Variants in EPB41L4B observed in about 807,000 individuals in gnomAD.
The protein encoded by EPB41L4B is band 4.1-like protein 4B.
EPB41L4B carries 30 observed loss-of-function variants against 112.5 expected under a neutral mutation model. The observed-to-expected ratio is 0.27, with a 90% CI of 0.20 to 0.36. The LOEUF (loss-of-function observed/expected upper bound fraction) is 0.36. Ranked by LOEUF, EPB41L4B falls within the 10% of genes least tolerant of loss-of-function variation. EPB41L4B has a pLI of 1.00. For missense variants in EPB41L4B, 1,024 were observed against 1,133.3 expected (o/e 0.90, Z 1.38); for synonymous variants, 408 against 439.7 (o/e 0.93, Z 0.90).
chr9:109,192,414 A>G, intron 21 of EPB41L4B, 59 bp from the exon 22 acceptor site: 1 of 1,350,124 alleles, frequency 7.4e-7, no homozygotes, highest in Non-Finnish European at 1.0e-6. Flanking sequence ...GATAAAGTTC[A>G]CCAGAAAAGA....
chr9:109,313,113 C>T (rs1837479417), intron 1 of EPB41L4B, among the ~76,000 whole-genome samples: 1 of 152,122 alleles, frequency 6.6e-6, no homozygotes, highest in African/African-American at 2.4e-5. Context: ...CAACTCCAGC[C>T]CACACTTCAG....
At chr9:109,210,085 C>CAAA (rs112355718) in intron 17 of EPB41L4B, among the ~76,000 whole-genome samples, 30 of 145,752 alleles carry the variant, frequency 2.1e-4, no homozygotes, top group African/African-American at 4.0e-4. Flanking sequence ...TATATATAAC[C>CAAA]AAAAAAAAAA....
intron 11 of EPB41L4B, among the ~76,000 whole-genome samples, chr9:109,255,273 T>C (rs975891671): frequency 2.6e-5 from 4 of 152,246 alleles, no homozygotes; most frequent in African/African-American, 7.2e-5. Context: ...GCCTACTGTA[T>C]TGAACAGCAC....
intron 19 of EPB41L4B, 37 bp downstream of exon 19, chr9:109,203,623 AGAG>A (rs1832904866): frequency 6.8e-7 from 1 of 1,465,648 alleles, no homozygotes; most frequent in Admixed American, 1.7e-5. Flanking sequence ...TTGATGATAC[AGAG>A]AATATCATTT....
intron 6 of EPB41L4B, among the ~76,000 whole-genome samples, chr9:109,260,668 G>A (rs1402221682): frequency 6.6e-6 from 1 of 152,172 alleles, no homozygotes; most frequent in Non-Finnish European, 1.5e-5. Flanking sequence ...ACCCGCCTCG[G>A]CCTCCCGAAG....
chr9:109,221,354 T>C (rs1833567132), intron 15 of EPB41L4B, among the ~76,000 whole-genome samples: 1 of 152,178 alleles, frequency 6.6e-6, no homozygotes, highest in African/African-American at 2.4e-5. Context: ...CTTGCAAATA[T>C]GTTGAAAATA....
intron 22 of EPB41L4B, among the ~76,000 whole-genome samples, chr9:109,189,379 A>T (rs1832380521): frequency 6.6e-6 from 1 of 152,120 alleles, no homozygotes; most frequent in Non-Finnish European, 1.5e-5. Context: ...TTGGGAATGA[A>T]AGTCCCTGGA....
At chr9:109,277,315 CAAA>C (rs35489544) in intron 2 of EPB41L4B, among the ~76,000 whole-genome samples, 17 of 112,274 alleles carry the variant, frequency 1.5e-4, no homozygotes, top group African/African-American at 5.4e-4. Flanking sequence ...AGTAGACATG[CAAA>C]AAAAAAAAAA....
At chr9:109,184,809 C>T (rs993396031) in intron 23 of EPB41L4B, among the ~76,000 whole-genome samples, 4 of 152,206 alleles carry the variant, frequency 2.6e-5, no homozygotes, top group Non-Finnish European at 4.4e-5. Context: ...TAATGACAAA[C>T]TGCGAACAAA....
chr9:109,263,537 C>T (rs1004639526), intron 5 of EPB41L4B, among the ~76,000 whole-genome samples: 4 of 152,232 alleles, frequency 2.6e-5, no homozygotes, highest in African/African-American at 7.2e-5. Flanking sequence ...GACACCATAT[C>T]GAACACTGCC....
chr9:109,292,598 C>A (rs925660860), intron 1 of EPB41L4B, among the ~76,000 whole-genome samples: 2 of 152,144 alleles, frequency 1.3e-5, no homozygotes, highest in African/African-American at 4.8e-5. Flanking sequence ...CATCTTACAC[C>A]AAAAGACAAG....
intron 14 of EPB41L4B, among the ~76,000 whole-genome samples, chr9:109,244,606 T>C (rs1048210909): frequency 6.6e-6 from 1 of 151,906 alleles, no homozygotes; most frequent in African/African-American, 2.4e-5. Context: ...ACCCCGCTAA[T>C]TTTGAAGGAA....
chr9:109,292,816 G>A (rs754150307), intron 1 of EPB41L4B, among the ~76,000 whole-genome samples: 18 of 152,126 alleles, frequency 1.2e-4, no homozygotes, highest in Non-Finnish European at 2.1e-4. Flanking sequence ...ATGATGTTCT[G>A]CGATTTCCAA....
chr9:109,241,347 C>CTAATTAAATTAATTAAATAA (rs1834346370), intron 15 of EPB41L4B: 1 of 1,068,092 alleles, frequency 9.4e-7, no homozygotes, highest in African/African-American at 1.7e-5. Context: ...TTATTTGCTC[C>CTAATTAAATTAATTAAATAA]CATTAATTAA....
chr9:109,194,189 C>T, intron 21 of EPB41L4B, 31 bp downstream of exon 21: 1 of 1,597,104 alleles, frequency 6.3e-7, no homozygotes, highest in Non-Finnish European at 8.6e-7. Flanking sequence ...GCAAGTGTGG[C>T]TGCTCGCCAG....
At chr9:109,271,298 C>T (rs865820544) in intron 2 of EPB41L4B, among the ~76,000 whole-genome samples, 1 of 152,218 alleles carries the variant, frequency 6.6e-6, no homozygotes, top group Non-Finnish European at 1.5e-5. Flanking sequence ...AGGATAGATG[C>T]CTATGAAAAG....
intron 1 of EPB41L4B, among the ~76,000 whole-genome samples, chr9:109,308,576 C>G (rs1389732888): frequency 6.6e-6 from 1 of 152,174 alleles, no homozygotes; most frequent in Non-Finnish European, 1.5e-5. Context: ...ATATCTGACA[C>G]TAAAAAATAA....
chr9:109,289,174 C>T (rs527939674), intron 1 of EPB41L4B, among the ~76,000 whole-genome samples: 1 of 152,250 alleles, frequency 6.6e-6, no homozygotes, highest in East Asian at 1.9e-4. Flanking sequence ...ACCCATCAAC[C>T]CTGCCTAACC....
intron 15 of EPB41L4B, among the ~76,000 whole-genome samples, chr9:109,236,069 A>G (rs1834130601): frequency 6.6e-6 from 1 of 152,204 alleles, no homozygotes; most frequent in Non-Finnish European, 1.5e-5. Flanking sequence ...TCTGGCTGGC[A>G]ATGTCTTGCC....
Sources: allele counts gnomAD v4.1 joint callset (sites outside exome capture counted in the v4.1 genomes callset), GRCh38; gene constraint gnomAD v4.1.1; transcripts MANE v1.5; gene names NCBI Gene and HGNC (gene_info 2026-07-23, HGNC 2026-07-21).